CAB39L: variants seen among roughly 807,000 people sequenced by gnomAD.
The protein encoded by CAB39L is calcium binding protein 39 like.
CAB39L carries 23 observed loss-of-function variants against 39.1 expected under a neutral mutation model. The ratio of observed to expected loss-of-function variants is 0.59; its 90% CI spans 0.42 to 0.83. CAB39L has a LOEUF of 0.83. Ranked by LOEUF, CAB39L falls within the 40% of genes least tolerant of loss-of-function variation. CAB39L has a pLI of 0.00. For synonymous variants in CAB39L, 126 were observed against 137.2 expected (o/e 0.92, Z 0.57); for missense variants, 366 against 391.9 (o/e 0.93, Z 0.56).
At chr13:49,320,711 C>A (rs908065636) in intron 10 of CAB39L, among the ~76,000 whole-genome samples, 1 of 152,178 alleles carries the variant, frequency 6.6e-6, no homozygotes, top group Non-Finnish European at 1.5e-5. Flanking sequence ...CTACTCCAAG[C>A]AAAATCCCAC....
At chr13:49,404,288 T>A (rs1485071514) in intron 3 of CAB39L, among the ~76,000 whole-genome samples, 7 of 152,166 alleles carry the variant, frequency 4.6e-5, no homozygotes, top group African/African-American at 1.7e-4. Flanking sequence ...CAGTATCTCC[T>A]CAAGTCTGCA....
intron 10 of CAB39L, among the ~76,000 whole-genome samples, chr13:49,319,548 CT>C (rs1954287514): frequency 6.6e-6 from 1 of 151,100 alleles, no homozygotes; most frequent in Non-Finnish European, 1.5e-5. Flanking sequence ...CGTAAATACA[CT>C]AACTGTTACT....
chr13:49,381,505 G>A (rs1397317992), intron 4 of CAB39L, among the ~76,000 whole-genome samples: 2 of 152,102 alleles, frequency 1.3e-5, no homozygotes, highest in Non-Finnish European at 2.9e-5. Context: ...TATCTCTTGT[G>A]ACAAACATGT....
At chr13:49,418,079 C>T (rs1957114141) in intron 3 of CAB39L, among the ~76,000 whole-genome samples, 1 of 152,000 alleles carries the variant, frequency 6.6e-6, no homozygotes, top group African/African-American at 2.4e-5. Flanking sequence ...AAACATACAC[C>T]CATACAAAAA....
At chr13:49,375,511 A>G (rs1956032130) in intron 5 of CAB39L, among the ~76,000 whole-genome samples, 1 of 152,184 alleles carries the variant, frequency 6.6e-6, no homozygotes, top group Non-Finnish European at 1.5e-5. Flanking sequence ...AAGCAAGAGG[A>G]AAAAGAAAAA....
At chr13:49,443,744 C>T (rs560135233) in intron 1 of CAB39L, among the ~76,000 whole-genome samples, 9 of 152,236 alleles carry the variant, frequency 5.9e-5, no homozygotes, top group Middle Eastern at 3.4e-3. Context: ...ACTATTACCA[C>T]CACCACAACC....
At chr13:49,333,123 T>C (rs1432606174) in intron 9 of CAB39L, among the ~76,000 whole-genome samples, 1 of 152,126 alleles carries the variant, frequency 6.6e-6, no homozygotes, top group African/African-American at 2.4e-5. Context: ...GAAAGAAGTA[T>C]ACAACCTGAG....
intron 3 of CAB39L, among the ~76,000 whole-genome samples, chr13:49,409,908 AT>A (rs1383913744): frequency 3.2e-5 from 4 of 126,938 alleles, no homozygotes; most frequent in Non-Finnish European, 7.1e-5. Context: ...CCCTCTCTCT[AT>A]TTAAAAAAAA....
At chr13:49,395,225 T>A (rs1008907815) in intron 3 of CAB39L, among the ~76,000 whole-genome samples, 1 of 151,562 alleles carries the variant, frequency 6.6e-6, no homozygotes, top group Non-Finnish European at 1.5e-5. Context: ...CTGATTGTCA[T>A]GTCTTTTCTT....
At chr13:49,437,723 T>C (rs1032469411) in intron 1 of CAB39L, among the ~76,000 whole-genome samples, 2 of 152,258 alleles carry the variant, frequency 1.3e-5, no homozygotes, top group Non-Finnish European at 2.9e-5. Flanking sequence ...TAAATTTGTA[T>C]GGGTTTTCTC....
chr13:49,379,659 C>T (rs1490216823), intron 4 of CAB39L, among the ~76,000 whole-genome samples: 1 of 30,590 alleles, frequency 3.3e-5, no homozygotes, highest in Non-Finnish European at 6.7e-5. Context: ...CCTGCCAAAT[C>T]CCCCTCTGTG....
rs1221565636 is a variant in CAB39L at position 49,434,143 on chromosome 13, G to T, written c.-165C>A. 4.4e-6 allele frequency: 2 copies of T among 456,830 alleles called. No homozygotes were observed. Among genetic ancestry groups the T allele is most frequent in the South Asian group, 1.5e-5 (1 of 64,528 alleles). 28.3% of individuals were successfully genotyped at this position (456,830 alleles called of 1,614,324 possible). On this transcript the variant is annotated 5_prime_UTR_variant, in exon 2 of 11. Transcript: ENST00000409308. Reference sequence around the variant, plus strand: ...AAGAATGAACAAACCACTGATTTGGGGTTCGCATCTTTACGTTCTGAACAG... The same window carrying T: ...AAGAATGAACAAACCACTGATTTGGTGTTCGCATCTTTACGTTCTGAACAG...
At position 49,423,039 on chromosome 13, in the gene CAB39L, C is replaced by T. The variant is rs118161184; in HGVS notation, c.-32+10279G>A. Among the ~76,000 whole-genome samples, 348 of 152,256 alleles carry T rather than the reference C, an allele frequency of 2.3e-3. 5 individuals are homozygous for T. The East Asian group carries it at 0.053, about 23-fold the overall frequency. ...AAAAACTAGGAAAAAACAAAATCCA[C>T]AGACCTAATGCAGAAATGTGATACA... On this transcript the variant is annotated intron_variant, in intron 3 of 10. Coordinates refer to ENST00000409308, the MANE Select transcript of CAB39L (RefSeq NM_001079670.3).
chr13:49,426,100 G>A (rs1390156654), intron 3 of CAB39L, among the ~76,000 whole-genome samples: 3 of 152,082 alleles, frequency 2.0e-5, no homozygotes, highest in African/African-American at 4.8e-5. Context: ...AAAGCCACAC[G>A]CACAAATCTT....
At chr13:49,317,382 T>C (rs900821658) in intron 10 of CAB39L, among the ~76,000 whole-genome samples, 3 of 151,822 alleles carry the variant, frequency 2.0e-5, no homozygotes, top group Non-Finnish European at 4.4e-5. Flanking sequence ...ATATAAAAAT[T>C]AGCCAGGTGC....
chr13:49,393,668 G>C (rs1956537962), intron 3 of CAB39L, among the ~76,000 whole-genome samples: 1 of 151,766 alleles, frequency 6.6e-6, no homozygotes, highest in South Asian at 2.1e-4. Context: ...ACATAATTAA[G>C]ATAGGAAAGA....
chr13:49,388,462 T>G (rs1468993449), intron 3 of CAB39L, among the ~76,000 whole-genome samples: 1 of 152,166 alleles, frequency 6.6e-6, no homozygotes. Context: ...GTTTTAGACT[T>G]CCATGAACCA....
Position 49,310,636 on chromosome 13 carries a change from T to C in CAB39L, c.*178A>G, listed in dbSNP as rs1397730609. The stretch of plus-strand genomic sequence containing the variant: ...ATCACAGACTTGACTAAAATGAATA[T>C]ATTATTCTAGGTTAATTTTTTTCCA... On this transcript the variant is annotated 3_prime_UTR_variant, in exon 11 of 11. Coordinates refer to ENST00000409308, the MANE Select transcript of CAB39L (RefSeq NM_001079670.3). The C allele has an allele frequency of 1.1e-5, 6 of 526,754 alleles. No homozygotes were observed. The highest frequency in any genetic ancestry group is 1.3e-5 in the Non-Finnish European group (4 of 298,972). The allele number at this position is 526,754 out of a possible 1,614,324, so 32.6% of individuals were successfully genotyped here.
intron 1 of CAB39L, among the ~76,000 whole-genome samples, chr13:49,436,524 G>A (rs963236768): frequency 4.2e-5 from 6 of 142,204 alleles, no homozygotes; most frequent in African/African-American, 1.6e-4. Flanking sequence ...TATGTACCTT[G>A]GAATTTAGCT....
Sources: gnomAD v4.1 joint callset for allele counts (sites outside exome capture counted in the v4.1 genomes callset) on GRCh38, gnomAD v4.1.1 for gene constraint, MANE v1.5 for transcripts, NCBI Gene and HGNC (gene_info 2026-07-23, HGNC 2026-07-21) for gene names.